The following NECAB1 variants were observed in gnomAD, a reference collection of about 807,000 sequenced individuals.
NECAB1 encodes N-terminal EF-hand calcium binding protein 1.
Under a neutral mutation model 57.5 loss-of-function variants are expected in NECAB1, and 29 were observed. The ratio of observed to expected loss-of-function variants is 0.50; its 90% CI spans 0.38 to 0.69. The LOEUF (loss-of-function observed/expected upper bound fraction) is 0.69. NECAB1 is among the 30% of genes least tolerant of loss of function. The pLI is 0.00. For synonymous variants in NECAB1, 142 were observed against 147.7 expected (o/e 0.96, Z 0.28); for missense variants, 372 against 413.8 (o/e 0.90, Z 0.88).
chr8:90,893,468 A>G (rs986956408), intron 5 of NECAB1, among the ~76,000 whole-genome samples: 13 of 152,208 alleles, frequency 8.5e-5, no homozygotes, highest in Non-Finnish European at 1.2e-4. Context: ...TCATGAATCA[A>G]TCACCCGGAA....
chr8:90,906,897 A>ATATATATGTATATATATATG (rs1563528323), intron 5 of NECAB1, among the ~76,000 whole-genome samples: 2 of 140,276 alleles, frequency 1.4e-5, no homozygotes, highest in African/African-American at 5.5e-5. Flanking sequence ...ATATATATAT[A>ATATATATGTATATATATATG]TATATATATA....
intron 5 of NECAB1, among the ~76,000 whole-genome samples, chr8:90,904,435 A>G (rs1809583718): frequency 6.6e-6 from 1 of 151,990 alleles, no homozygotes; most frequent in Admixed American, 6.6e-5. Context: ...AGAAAGCACA[A>G]AAAGATTTGC....
intron 3 of NECAB1, among the ~76,000 whole-genome samples, chr8:90,831,727 T>C (rs1812301375): frequency 2.0e-5 from 3 of 152,138 alleles, no homozygotes; most frequent in Admixed American, 2.0e-4. Context: ...TTTCTCCTAA[T>C]GGTCTTGACA....
chr8:90,936,727 A>T (rs547822799), intron 9 of NECAB1, among the ~76,000 whole-genome samples: 1 of 152,286 alleles, frequency 6.6e-6, no homozygotes, highest in African/African-American at 2.4e-5. Flanking sequence ...GAACCCTAGC[A>T]ACTGCCATCT....
At chr8:90,883,231 T>C (rs545891882) in intron 5 of NECAB1, among the ~76,000 whole-genome samples, 2 of 152,090 alleles carry the variant, frequency 1.3e-5, no homozygotes, top group South Asian at 2.1e-4. Flanking sequence ...GAAAAACATA[T>C]GTCTCTGATT....
chr8:90,798,256 A>G (rs1018891726), intron 1 of NECAB1, among the ~76,000 whole-genome samples: 2 of 152,178 alleles, frequency 1.3e-5, no homozygotes, highest in African/African-American at 4.8e-5. Flanking sequence ...TTTTATCTTA[A>G]TGGGATTACA....
Position 90,851,803 on chromosome 8 carries a change from C to T in NECAB1, c.234-20325C>T, listed in dbSNP as rs563815020. Among the ~76,000 whole-genome samples the T allele has an allele frequency of 2.0e-5, 3 of 152,238 alleles. No homozygotes were observed. The South Asian group carries it at 6.2e-4, about 32-fold the overall frequency. On this transcript the variant is annotated intron_variant, in intron 3 of 12. Coordinates refer to ENST00000417640, the MANE Select transcript of NECAB1 (RefSeq NM_022351.5). Reference sequence around the variant, plus strand: ...ATTATCTCCCCAAATCCAAAGTTTACATTAGAGCTTACTCTTCATGTTGTA... The same window carrying T: ...ATTATCTCCCCAAATCCAAAGTTTATATTAGAGCTTACTCTTCATGTTGTA...
chr8:90,833,341 A>G (rs1586046332), intron 3 of NECAB1, among the ~76,000 whole-genome samples: 1 of 150,986 alleles, frequency 6.6e-6, no homozygotes, highest in African/African-American at 2.4e-5. Flanking sequence ...TATCTTTTTT[A>G]TATTTTCTTA....
intron 1 of NECAB1, among the ~76,000 whole-genome samples, chr8:90,797,874 A>G (rs1403298879): frequency 1.3e-5 from 2 of 152,176 alleles, no homozygotes; most frequent in South Asian, 2.1e-4. Flanking sequence ...CAGTTTCCCT[A>G]AGTCTCTGAA....
chr8:90,950,105 T>C (rs140018598), intron 11 of NECAB1, among the ~76,000 whole-genome samples: 200 of 152,252 alleles, frequency 1.3e-3, no homozygotes, highest in African/African-American at 4.6e-3. Flanking sequence ...ATGATCCCAC[T>C]TTGAGTCTTA....
Position 90,928,227 on chromosome 8 carries a change from A to C in NECAB1, c.621A>C (p.Leu207Phe), listed in dbSNP as rs1810324864. The change falls in exon 8 of 13, where the codon TTA (leucine) becomes TTC (phenylalanine). Residue 207 changes from leucine (L) to phenylalanine (F), a missense_variant. Transcript: ENST00000417640. ...CATGATTCCCCCTGGCCCCAGGCTT[A>C]TTAGAAGAAGACAACCAGTGGATGA... ...SPQFNVSGPG[L>F]LEEDNQWMTQ... 1 of 1,607,482 alleles carries C rather than the reference A, an allele frequency of 6.2e-7. No homozygotes were observed. The highest frequency in any genetic ancestry group is 8.5e-7 in the Non-Finnish European group (1 of 1,176,426).
chr8:90,814,023 T>A (rs1812016586), intron 2 of NECAB1, among the ~76,000 whole-genome samples: 1 of 152,244 alleles, frequency 6.6e-6, no homozygotes, highest in Non-Finnish European at 1.5e-5. Flanking sequence ...CCTAATATTC[T>A]TTTTCTGTTC....
chr8:90,924,438 TG>T (rs575709022), intron 6 of NECAB1, among the ~76,000 whole-genome samples: 180 of 152,280 alleles, frequency 1.2e-3, no homozygotes, highest in African/African-American at 4.3e-3. Context: ...CTTCCCTAGC[TG>T]ATAGATAATG....
chr8:90,858,623 A>C (rs188783787), intron 3 of NECAB1, among the ~76,000 whole-genome samples: 687 of 149,458 alleles, frequency 4.6e-3, no homozygotes, highest in African/African-American at 7.4e-3. Flanking sequence ...CACAATTTGA[A>C]GAAAAAAAAA....
chr8:90,852,936 C>A (rs1254367727), intron 3 of NECAB1, among the ~76,000 whole-genome samples: 1 of 152,250 alleles, frequency 6.6e-6, no homozygotes, highest in African/African-American at 2.4e-5. Context: ...TGGCCCTTTG[C>A]CCTCGCTGAT....
intron 3 of NECAB1, among the ~76,000 whole-genome samples, chr8:90,868,063 C>T (rs1459864489): frequency 7.0e-6 from 1 of 143,140 alleles, no homozygotes; most frequent in Admixed American, 7.5e-5. Context: ...AATTGTGTAG[C>T]ACTTCCCCCT....
chr8:90,910,836 A>C (rs908575125), intron 5 of NECAB1, among the ~76,000 whole-genome samples: 2 of 151,838 alleles, frequency 1.3e-5, no homozygotes, highest in Non-Finnish European at 1.5e-5. Flanking sequence ...GCTACTTTGG[A>C]GTTCTCTTGC....
At chr8:90,865,491 A>G (rs1018246540) in intron 3 of NECAB1, among the ~76,000 whole-genome samples, 1 of 152,106 alleles carries the variant, frequency 6.6e-6, no homozygotes, top group South Asian at 2.1e-4. Context: ...GCTCTGACCC[A>G]CTCAGGGTTC....
chr8:90,876,444 T>A (rs1356479242), intron 4 of NECAB1, among the ~76,000 whole-genome samples: 1 of 151,924 alleles, frequency 6.6e-6, no homozygotes, highest in Admixed American at 6.6e-5. Context: ...GCTTGAGAAG[T>A]TTAGATGAGA....
Sources: allele counts gnomAD v4.1 joint callset (sites outside exome capture counted in the v4.1 genomes callset), GRCh38; gene constraint gnomAD v4.1.1; transcripts MANE v1.5; gene names NCBI Gene and HGNC (gene_info 2026-07-23, HGNC 2026-07-21).